INIP: variants seen among roughly 807,000 people sequenced by gnomAD.
INIP encodes SOSS complex subunit C.
In INIP, 9 loss-of-function variants were observed where a neutral mutation model predicts 14.0. The observed-to-expected ratio is 0.64, with a 90% CI of 0.39 to 1.12. The LOEUF (loss-of-function observed/expected upper bound fraction) is 1.12, where lower values mean the gene tolerates loss of function less well. INIP is among the 50% of genes most tolerant of loss of function. INIP has a pLI of 0.01. For missense variants in INIP, 78 were observed against 122.7 expected, an observed-to-expected ratio of 0.64 and a Z score of 1.72; for synonymous variants, 37 against 41.5, an observed-to-expected ratio of 0.89 and a Z score of 0.41.
intron 2 of INIP, among the ~76,000 whole-genome samples, chr9:112,699,863 G>T (rs1397594226): frequency 6.6e-6 from 1 of 152,040 alleles, no homozygotes; most frequent in African/African-American, 2.4e-5. Flanking sequence ...TAAGCCAGAG[G>T]TTCTCATAAT....
intron 3 of INIP, 80 bp downstream of exon 3, chr9:112,694,051 G>C (rs1261267719): frequency 1.8e-5 from 16 of 900,518 alleles, no homozygotes; most frequent in Non-Finnish European, 2.7e-5. Flanking sequence ...CTCCAGCCTG[G>C]GGGACAGGGC....
At chr9:112,712,070 C>G in intron 2 of INIP, among the ~76,000 whole-genome samples, 1 of 152,188 alleles carries the variant, frequency 6.6e-6, no homozygotes, top group East Asian at 1.9e-4. Flanking sequence ...GCTTGGTTAG[C>G]CTCACCTTAC....
chr9:112,702,928 A>C (rs2131301945), intron 2 of INIP, among the ~76,000 whole-genome samples: 1 of 152,316 alleles, frequency 6.6e-6, no homozygotes, highest in Admixed American at 6.5e-5. Context: ...CAAATATAAC[A>C]CCAAGCTGAC....
rs771423762 is a variant in INIP at position 112,716,510 on chromosome 9, C to T, written c.-25G>A. ...TTTTCCTATTTTGTTTCAAGTATGT[C>T]CAGTGGCAATTGGTCAGCACTTCAC... On this transcript the variant is annotated 5_prime_UTR_variant, in exon 2 of 5. Transcript: ENST00000374242. 4.3e-6 allele frequency: 7 copies of T among 1,611,760 alleles called. No individual in the cohort carries two copies. Among genetic ancestry groups the T allele is most frequent in the Non-Finnish European group, 8.5e-7 (1 of 1,178,118 alleles).
intron 4 of INIP, among the ~76,000 whole-genome samples, chr9:112,688,586 T>G (rs1248170609): frequency 6.6e-6 from 1 of 151,718 alleles, no homozygotes; most frequent in Admixed American, 6.6e-5. Context: ...TTTGGGTGAC[T>G]GAGGTGGGAG....
chr9:112,684,472 G>A lies in INIP; in HGVS notation c.*3066C>T, dbSNP rs1313127576. 6.6e-6 allele frequency: 1 copy of A among 152,112 alleles called. No individual in the cohort carries two copies. The highest frequency in any genetic ancestry group is 1.9e-4 in the East Asian group (1 of 5,190). 9.4% of individuals were successfully genotyped at this position (152,112 alleles called of 1,614,324 possible). On this transcript the variant is annotated 3_prime_UTR_variant, in exon 5 of 5. Transcript: ENST00000374242. ...GGAGGCTAAGGGTTGAGGATTGCTT[G>A]AGCCCAGGGATTCAAGGAGTCTTGC... is the stretch of plus-strand genomic sequence containing the variant.
chr9:112,701,887 A>C (rs960315458), intron 2 of INIP: 1 of 147,358 alleles, frequency 6.8e-6, no homozygotes, highest in Non-Finnish European at 1.5e-5. Context: ...TTGTCTGTAC[A>C]AAAAAAAAAA....
In INIP at chr9:112,712,266, G is replaced by A. The variant is rs1838670095; in HGVS notation, c.25+4195C>T. Among the ~76,000 whole-genome samples the A allele has an allele frequency of 2.0e-5, 3 of 152,198 alleles. 1 individual carries two copies. The highest frequency in any genetic ancestry group is 7.2e-5 in the African/African-American group (3 of 41,444). ...AGATCCCAGGCAGCCCATCAATAAA[G>A]CAGCAGGTGGAAGCTGAAAAACACT... On this transcript the variant is annotated intron_variant, in intron 2 of 4. Coordinates refer to ENST00000374242, the MANE Select transcript of INIP (RefSeq NM_021218.3).
At chr9:112,714,152 A>C (rs1414307139) in intron 2 of INIP, among the ~76,000 whole-genome samples, 1 of 152,242 alleles carries the variant, frequency 6.6e-6, no homozygotes, top group Non-Finnish European at 1.5e-5. Context: ...ACAAGGAATG[A>C]ACTACTGATC....
At chr9:112,715,340 A>G (rs966693666) in intron 2 of INIP, among the ~76,000 whole-genome samples, 3 of 152,060 alleles carry the variant, frequency 2.0e-5, no homozygotes, top group African/African-American at 7.2e-5. Context: ...ACTTATAAAC[A>G]CTGTACACTT....
At chr9:112,691,750 C>A (rs1348769812) in intron 3 of INIP, among the ~76,000 whole-genome samples, 4 of 152,252 alleles carry the variant, frequency 2.6e-5, no homozygotes, top group Admixed American at 1.3e-4. Flanking sequence ...CGGCTCACGC[C>A]TGTAATCCCA....
intron 2 of INIP, among the ~76,000 whole-genome samples, chr9:112,714,359 AC>A (rs1193915743): frequency 6.6e-6 from 1 of 152,228 alleles, no homozygotes; most frequent in Non-Finnish European, 1.5e-5. Flanking sequence ...TTGATACAGA[AC>A]GGAAATAGAG....
chr9:112,695,350 C>T (rs1346042756), intron 2 of INIP, among the ~76,000 whole-genome samples: 1 of 151,374 alleles, frequency 6.6e-6, no homozygotes, highest in African/African-American at 2.4e-5. Flanking sequence ...GCACATTTTC[C>T]AAGCAGAGCA....
intron 3 of INIP, among the ~76,000 whole-genome samples, chr9:112,689,914 T>C (rs926845834): frequency 1.3e-5 from 2 of 152,210 alleles, no homozygotes; most frequent in Admixed American, 1.3e-4. Flanking sequence ...GTATGTATCA[T>C]TAACTATAGT....
Position 112,686,016 on chromosome 9 carries a change from G to T in INIP, c.*1522C>A, listed in dbSNP as rs760817805. 1.3e-5 allele frequency: 2 copies of T among 152,102 alleles called. No individual in the cohort carries two copies. The highest frequency in any genetic ancestry group is 4.8e-5 in the African/African-American group (2 of 41,404). 9.4% of individuals were successfully genotyped at this position (152,102 alleles called of 1,614,324 possible). A position where few individuals can be genotyped will look rare whatever the true frequency, so the allele number is the denominator to read the frequency against. On this transcript the variant is annotated 3_prime_UTR_variant, in exon 5 of 5. Transcript: ENST00000374242. ...GTTTGAAAACATCTAAGGAAGAAAG[G>T]GGGGAACAAACTCTCTGAAAAGAAA...
At chr9:112,709,855 C>CA (rs1838592667) in intron 2 of INIP, among the ~76,000 whole-genome samples, 1 of 152,320 alleles carries the variant, frequency 6.6e-6, no homozygotes, top group African/African-American at 2.4e-5. Flanking sequence ...ATATTCTTCC[C>CA]AGTTACAATT....
intron 2 of INIP, among the ~76,000 whole-genome samples, chr9:112,715,943 T>A (rs116507326): frequency 1.5e-4 from 23 of 152,204 alleles, no homozygotes; most frequent in African/African-American, 5.5e-4. Context: ...ACTTAGGCGA[T>A]TGAAATTTTT....
chr9:112,689,274 T>G (rs1837793533), intron 4 of INIP, among the ~76,000 whole-genome samples: 1 of 152,212 alleles, frequency 6.6e-6, no homozygotes, highest in South Asian at 2.1e-4. Context: ...TAGACTCTTG[T>G]GCACAAGCAA....
At chr9:112,693,989 C>T (rs1001771818) in intron 3 of INIP, 142 bp downstream of exon 3, 14 of 457,372 alleles carry the variant, frequency 3.1e-5, no homozygotes, top group African/African-American at 1.7e-4. Flanking sequence ...GCAGGAGAAT[C>T]GCTAGAACCC....
Sources: allele counts gnomAD v4.1 joint callset (sites outside exome capture counted in the v4.1 genomes callset), GRCh38; gene constraint gnomAD v4.1.1; transcripts MANE v1.5; gene names NCBI Gene and HGNC (gene_info 2026-07-23, HGNC 2026-07-21).